Variants in E2F7 observed in about 807,000 individuals in gnomAD.
The protein encoded by E2F7 is transcription factor E2F7.
A neutral mutation model predicts 81.1 loss-of-function variants in E2F7; 35 were observed. That is an observed-to-expected ratio of 0.43 (90% CI 0.33 to 0.57). The LOEUF (loss-of-function observed/expected upper bound fraction) is 0.57, where lower values mean the gene tolerates loss of function less well. Ranked by LOEUF, E2F7 falls within the 20% of genes least tolerant of loss-of-function variation. The pLI is 0.04. For missense variants in E2F7, 961 were observed against 1,093.7 expected (o/e 0.88, Z 1.71); for synonymous variants, 416 against 416.2 (o/e 1.00, Z 0.01).
chr12:77,024,259 T>C (rs1056652518), intron 12 of E2F7, 74 bp from the exon 13 acceptor site: 6 of 1,496,034 alleles, frequency 4.0e-6, no homozygotes, highest in Non-Finnish European at 5.4e-6. Context: ...GGCAGCCCTT[T>C]CTTGACCTGT....
chr12:77,024,286 G>A, intron 12 of E2F7, 101 bp from the exon 13 acceptor site: 1 of 1,297,284 alleles, frequency 7.7e-7, no homozygotes, highest in Non-Finnish European at 1.0e-6. Context: ...GGATCCCAAG[G>A]CAGGCGTTCC....
chr12:77,063,545 A>G (rs1316051120), intron 2 of E2F7, among the ~76,000 whole-genome samples: 1 of 147,980 alleles, frequency 6.8e-6, no homozygotes, highest in Non-Finnish European at 1.5e-5. Context: ...CTGGTTCACT[A>G]TTATCCACAG....
chr12:77,041,252 C>T (rs1954892742), intron 7 of E2F7, among the ~76,000 whole-genome samples: 2 of 152,148 alleles, frequency 1.3e-5, no homozygotes, highest in Non-Finnish European at 1.5e-5. Context: ...AGTGCAATGG[C>T]GTGATCTCGG....
At chr12:77,056,396 T>C (rs1955032884) in intron 2 of E2F7, among the ~76,000 whole-genome samples, 2 of 152,194 alleles carry the variant, frequency 1.3e-5, no homozygotes, top group Non-Finnish European at 2.9e-5. Flanking sequence ...TCTGTTACTG[T>C]TGCATGTTTA....
chr12:77,045,970 T>A (rs1954936412), intron 5 of E2F7, 68 bp downstream of exon 5: 1 of 1,552,426 alleles, frequency 6.4e-7, no homozygotes, highest in South Asian at 1.2e-5. Context: ...ATCTGAGCAG[T>A]GAATCTGCAG....
In E2F7 at chr12:77,045,121, A is replaced by G. The variant is rs111904370; in HGVS notation, c.830-326T>C. On this transcript the variant is annotated intron_variant, in intron 5 of 12. Coordinates refer to ENST00000322886, the MANE Select transcript of E2F7 (RefSeq NM_203394.3). ...AACTTCTTGGAAAGATTAATGTAGA[A>G]GGATAAAAAGATAGGGTGGGAATAC... Among the ~76,000 whole-genome samples, 654 of 152,348 alleles carry G rather than the reference A, an allele frequency of 4.3e-3. 5 individuals are homozygous for G. The highest frequency in any genetic ancestry group is 0.015 in the African/African-American group (622 of 41,578).
chr12:77,025,535 C>T, intron 12 of E2F7, 23 bp downstream of exon 12: 1 of 1,610,866 alleles, frequency 6.2e-7, no homozygotes, highest in Non-Finnish European at 8.5e-7. Context: ...GTGACAGTGT[C>T]TTCAGGAAAC....
At chr12:77,038,621 A>C (rs1954872204) in intron 7 of E2F7, among the ~76,000 whole-genome samples, 1 of 152,188 alleles carries the variant, frequency 6.6e-6, no homozygotes, top group Admixed American at 6.5e-5. Context: ...CAGTACTGAG[A>C]GGAAAATTTA....
intron 2 of E2F7, among the ~76,000 whole-genome samples, chr12:77,063,069 G>A (rs913764281): frequency 6.6e-6 from 1 of 152,080 alleles, no homozygotes; most frequent in East Asian, 1.9e-4. Flanking sequence ...GTCCTGCTTC[G>A]GATGTGACTC....
At chr12:77,027,652 A>AT (rs1033401024) in intron 11 of E2F7, among the ~76,000 whole-genome samples, 2 of 151,982 alleles carry the variant, frequency 1.3e-5, no homozygotes, top group Admixed American at 6.6e-5. Context: ...TGTTTAATGT[A>AT]TTTTTTTTGA....
intron 9 of E2F7, 47 bp downstream of exon 9, chr12:77,033,003 C>G: frequency 6.4e-7 from 1 of 1,562,228 alleles, no homozygotes; most frequent in Non-Finnish European, 8.7e-7. Context: ...AAAGTTAACA[C>G]TAGGAGATAG....
intron 3 of E2F7, among the ~76,000 whole-genome samples, chr12:77,051,668 A>G (rs1954990115): frequency 6.6e-6 from 1 of 152,206 alleles, no homozygotes; most frequent in Non-Finnish European, 1.5e-5. Flanking sequence ...TAGGAATAAC[A>G]GAGAACTTCT....
intron 2 of E2F7, among the ~76,000 whole-genome samples, chr12:77,060,692 G>A (rs1438051026): frequency 6.6e-6 from 1 of 152,192 alleles, no homozygotes; most frequent in East Asian, 1.9e-4. Context: ...GGCTTTGCCT[G>A]TTGAAATTCT....
chr12:77,027,149 T>C (rs1459163280), intron 11 of E2F7, among the ~76,000 whole-genome samples: 1 of 152,214 alleles, frequency 6.6e-6, no homozygotes, highest in East Asian at 1.9e-4. Context: ...ACCTAACCTG[T>C]TCTAGCAGGT....
intron 6 of E2F7, among the ~76,000 whole-genome samples, chr12:77,043,912 C>G (rs1445448077): frequency 6.6e-6 from 1 of 152,176 alleles, no homozygotes; most frequent in Admixed American, 6.5e-5. Context: ...AGGTAGGAAA[C>G]CCACTTGACC....
In E2F7 at chr12:77,024,146, G is replaced by A; in HGVS notation, c.2605C>T (p.His869Tyr). The A allele has an allele frequency of 6.2e-7, 1 of 1,614,082 alleles. No homozygotes were observed. The highest frequency in any genetic ancestry group is 8.5e-7 in the Non-Finnish European group (1 of 1,180,008). Reference protein sequence around the residue: ...PVTPKSIQRTHRETFFKTPGS... With the variant: ...PVTPKSIQRTYRETFFKTPGS... ...GGTGTCTTGAAAAACGTCTCACGATGTGTGCGTTGGATGCTCTTGGGGGTC... is the reference window on the plus strand; with the variant it reads ...GGTGTCTTGAAAAACGTCTCACGATATGTGCGTTGGATGCTCTTGGGGGTC... Residue 869 changes from histidine to tyrosine, a missense_variant, in exon 13 of 13, where the codon CAT (histidine) becomes TAT (tyrosine). His to Tyr is a moderately conservative substitution (Grantham distance 83, BLOSUM62 2). Transcript: ENST00000322886.
chr12:77,034,354 G>T (rs1954831631), intron 7 of E2F7, among the ~76,000 whole-genome samples: 2 of 152,146 alleles, frequency 1.3e-5, no homozygotes, highest in Admixed American at 1.3e-4. Context: ...TCACATTTTA[G>T]ATGCTCTATT....
At chr12:77,029,650 T>C (rs1040014421) in intron 10 of E2F7, among the ~76,000 whole-genome samples, 181 bp downstream of exon 10, 5 of 152,262 alleles carry the variant, frequency 3.3e-5, no homozygotes, top group Non-Finnish European at 7.3e-5. Context: ...AAATCACCTT[T>C]CTTATGCACT....
chr12:77,033,134 G>A lies in E2F7; in HGVS notation c.1310-12C>T. 1 of 1,613,012 alleles carries A rather than the reference G, an allele frequency of 6.2e-7. No individual in the cohort carries two copies. Among genetic ancestry groups the A allele is most frequent in the South Asian group, 1.1e-5 (1 of 90,972 alleles). On this transcript the variant is annotated splice_polypyrimidine_tract_variant and intron_variant, in intron 8 of 12. Coordinates refer to ENST00000322886, the MANE Select transcript of E2F7 (RefSeq NM_203394.3). ...GTAGCCACCTGATCCTGAAAAGGAA[G>A]ATGAAGGCTTAACAAATATAGCAAG... is the stretch of plus-strand genomic sequence containing the variant.
Sources: gnomAD v4.1 joint callset for allele counts (sites outside exome capture counted in the v4.1 genomes callset) on GRCh38, gnomAD v4.1.1 for gene constraint, MANE v1.5 for transcripts, NCBI Gene and HGNC (gene_info 2026-07-23, HGNC 2026-07-21) for gene names.